The following TMEM163 variants were observed in gnomAD, a reference collection of about 807,000 sequenced individuals.
The protein encoded by TMEM163 is transmembrane protein 163.
In TMEM163, 17 loss-of-function variants were observed where a neutral mutation model predicts 29.3. The ratio of observed to expected loss-of-function variants is 0.58; its 90% CI spans 0.40 to 0.87. The LOEUF (loss-of-function observed/expected upper bound fraction) is 0.87. TMEM163 is among the 40% of genes least tolerant of loss of function. TMEM163 has a pLI of 0.00. For missense variants in TMEM163, 303 were observed against 381.5 expected (o/e 0.79, Z 1.71); for synonymous variants, 157 against 160.6 (o/e 0.98, Z 0.17).
At chr2:134,701,759 A>T (rs1684708692) in intron 2 of TMEM163, among the ~76,000 whole-genome samples, 1 of 151,914 alleles carries the variant, frequency 6.6e-6, no homozygotes, top group Non-Finnish European at 1.5e-5. Flanking sequence ...CTCTACTAAA[A>T]ATATAAAAAT....
intron 2 of TMEM163, among the ~76,000 whole-genome samples, chr2:134,667,982 G>A (rs949102479): frequency 2.0e-5 from 3 of 152,188 alleles, no homozygotes; most frequent in African/African-American, 7.2e-5. Flanking sequence ...CCCAGCTGCT[G>A]GGAGATCGGA....
At chr2:134,589,805 T>C (rs1244523932) in intron 2 of TMEM163, among the ~76,000 whole-genome samples, 1 of 152,212 alleles carries the variant, frequency 6.6e-6, no homozygotes, top group Non-Finnish European at 1.5e-5. Context: ...CCTGAATTCT[T>C]TTCTTGCACG....
intron 4 of TMEM163, among the ~76,000 whole-genome samples, chr2:134,509,742 A>G (rs1014116692): frequency 6.6e-6 from 1 of 152,256 alleles, no homozygotes; most frequent in Non-Finnish European, 1.5e-5. Flanking sequence ...GTGAATGTGA[A>G]AATAGGCAAT....
intron 2 of TMEM163, among the ~76,000 whole-genome samples, chr2:134,601,565 G>A (rs7566004): frequency 1 from 151,685 of 152,352 alleles, 75,513 homozygotes; most frequent in East Asian, 1. Context: ...CTGGACCACA[G>A]CTGTGTTCCT....
chr2:134,629,979 G>A (rs1266454010), intron 2 of TMEM163, among the ~76,000 whole-genome samples: 1 of 152,154 alleles, frequency 6.6e-6, no homozygotes, highest in Non-Finnish European at 1.5e-5. Flanking sequence ...AGGACATGAT[G>A]AATTATATAT....
At chr2:134,592,022 G>A (rs1437167610) in intron 2 of TMEM163, among the ~76,000 whole-genome samples, 1 of 152,222 alleles carries the variant, frequency 6.6e-6, no homozygotes, top group African/African-American at 2.4e-5. Context: ...GTTCAGCCTG[G>A]AAAGGCAGGA....
At chr2:134,656,948 T>G (rs1683633944) in intron 2 of TMEM163, among the ~76,000 whole-genome samples, 1 of 152,252 alleles carries the variant, frequency 6.6e-6, no homozygotes, top group East Asian at 1.9e-4. Context: ...TGAAGCCTAC[T>G]TGATCATGGT....
chr2:134,577,677 C>G (rs950093749), intron 2 of TMEM163, among the ~76,000 whole-genome samples: 9 of 152,146 alleles, frequency 5.9e-5, no homozygotes, highest in Admixed American at 4.6e-4. Flanking sequence ...ACACACCTAT[C>G]TCAGCTGGGA....
intron 4 of TMEM163, among the ~76,000 whole-genome samples, chr2:134,510,498 T>A (rs747667645): frequency 2.6e-5 from 4 of 151,980 alleles, no homozygotes; most frequent in Admixed American, 6.6e-5. Flanking sequence ...TGGAAGACAA[T>A]GTCAATGGCC....
chr2:134,473,628 G>C (rs968631875), intron 5 of TMEM163, among the ~76,000 whole-genome samples: 3 of 151,812 alleles, frequency 2.0e-5, no homozygotes, highest in African/African-American at 7.3e-5. Flanking sequence ...ATAAAGATCA[G>C]TAATGTAGGA....
At chr2:134,474,785 A>C (rs1026233480) in intron 5 of TMEM163, among the ~76,000 whole-genome samples, 4 of 152,202 alleles carry the variant, frequency 2.6e-5, no homozygotes, top group African/African-American at 9.6e-5. Flanking sequence ...CTAAATACTC[A>C]GTGATAAATT....
intron 2 of TMEM163, among the ~76,000 whole-genome samples, chr2:134,562,061 T>G (rs2104778256): frequency 6.6e-6 from 1 of 152,372 alleles, no homozygotes; most frequent in South Asian, 2.1e-4. Flanking sequence ...TATCTTCTCT[T>G]GTCTTCTATG....
intron 2 of TMEM163, among the ~76,000 whole-genome samples, chr2:134,628,391 T>C (rs1214504070): frequency 6.6e-6 from 1 of 152,276 alleles, no homozygotes; most frequent in Non-Finnish European, 1.5e-5. Context: ...ATATGAACTC[T>C]GAGCCTTTGC....
intron 4 of TMEM163, among the ~76,000 whole-genome samples, chr2:134,545,963 A>C (rs1267573838): frequency 6.6e-6 from 1 of 152,126 alleles, no homozygotes; most frequent in Non-Finnish European, 1.5e-5. Flanking sequence ...CTTGCTTGTA[A>C]ACATAACTTT....
chr2:134,492,793 G>T (rs1466042703), intron 5 of TMEM163, among the ~76,000 whole-genome samples: 1 of 152,158 alleles, frequency 6.6e-6, no homozygotes, highest in Non-Finnish European at 1.5e-5. Context: ...CATTAGAAAT[G>T]AAACTGCAAT....
intron 2 of TMEM163, among the ~76,000 whole-genome samples, chr2:134,635,194 G>T (rs1277021535): frequency 6.6e-6 from 1 of 152,194 alleles, no homozygotes; most frequent in Admixed American, 6.5e-5. Context: ...GACAATTACA[G>T]TCTCTGACTC....
Position 134,684,605 on chromosome 2 carries a change from C to T in TMEM163, c.322+28595G>A, listed in dbSNP as rs564818281. 2.8e-4 allele frequency among the ~76,000 whole-genome samples: 43 copies of T among 152,264 alleles called. 5 individuals are homozygous for T. Among genetic ancestry groups the T allele is most frequent in the African/African-American group, 1.0e-3 (42 of 41,560 alleles). ...CAAGAATAGGATGGAGCCCCACACC[C>T]TCAGTGTTTTGGGAACACAGAGAGA... On this transcript the variant is annotated intron_variant, in intron 2 of 7. Coordinates refer to ENST00000281924, the MANE Select transcript of TMEM163 (RefSeq NM_030923.5).
rs149607550 is a variant in TMEM163, at chr2:134,480,385, G to A, written c.556-14160C>T. 1.4e-4 allele frequency among the ~76,000 whole-genome samples: 18 copies of A among 124,758 alleles called. 2 individuals carry two copies. Among genetic ancestry groups the A allele is most frequent in the African/African-American group, 6.1e-4 (18 of 29,340 alleles). The allele number at this position is 124,758 out of a possible 152,430, so 81.8% of individuals were successfully genotyped here. On this transcript the variant is annotated intron_variant, in intron 5 of 7. Coordinates refer to ENST00000281924, the MANE Select transcript of TMEM163 (RefSeq NM_030923.5). The stretch of plus-strand genomic sequence containing the variant: ...CTTCTCAGTGAGGTGGTCCCTGACT[G>A]CAATCACTCCTCACCCCCGATCTTT...
At chr2:134,566,562 C>CA (rs1207309832) in intron 2 of TMEM163, among the ~76,000 whole-genome samples, 31 of 150,274 alleles carry the variant, frequency 2.1e-4, no homozygotes, top group Non-Finnish European at 3.6e-4. Context: ...GACTCCATCT[C>CA]AAAAAAAAAA....
Sources: allele counts gnomAD v4.1 joint callset (sites outside exome capture counted in the v4.1 genomes callset), GRCh38; gene constraint gnomAD v4.1.1; transcripts MANE v1.5; gene names NCBI Gene and HGNC (gene_info 2026-07-23, HGNC 2026-07-21).